SLC30A10: variants seen among roughly 807,000 people sequenced by gnomAD.
The protein encoded by SLC30A10 is calcium/manganese antiporter SLC30A10.
Under a neutral mutation model 21.7 loss-of-function variants are expected in SLC30A10, and 8 were observed. The ratio of observed to expected loss-of-function variants is 0.37; its 90% confidence interval spans 0.22 to 0.67. The LOEUF (loss-of-function observed/expected upper bound fraction) is 0.67, where lower values mean the gene tolerates loss of function less well. SLC30A10 is among the 30% of genes least tolerant of loss of function. The pLI, the probability that SLC30A10 is intolerant of heterozygous loss-of-function variation, is 0.58. For missense variants in SLC30A10, 521 were observed against 642.5 expected, an observed-to-expected ratio of 0.81 and a Z score of 2.04; for synonymous variants, 272 against 279.4, an observed-to-expected ratio of 0.97 and a Z score of 0.26.
chr1:219,928,647 G>A, upstream of SLC30A10: 1 of 507,618 alleles, frequency 2.0e-6, no homozygotes, highest in Non-Finnish European at 3.4e-6. The surrounding 1 kb of genome is among the most constrained non-coding windows in gnomAD (Gnocchi z 6.3). Flanking sequence ...AGTGGCGGGG[G>A]CAGTATCTGA....
rs1416717954 is a variant in SLC30A10, at chr1:219,911,129, T to C, written c.*4320A>G. Among the ~76,000 whole-genome samples, 3 of 148,984 alleles carry C rather than the reference T, an allele frequency of 2.0e-5. No individual in the cohort carries two copies. Among genetic ancestry groups the C allele is most frequent in the Non-Finnish European group, 4.5e-5 (3 of 67,352 alleles). On this transcript the variant is annotated 3_prime_UTR_variant, in exon 4 of 4. Transcript: ENST00000366926. ...CTCAAAATTCAAATCAGGTCATGTT[T>C]CTTCATTTTTTCTACATCAGTTTTT...
rs778271993 is a variant in SLC30A10 at position 219,928,090 on chromosome 1, G to A, written c.351C>T (p.Leu117=). ...CCAACAGCCCCAGGACGCCGACGAT[G>A]AGCACCAGCTCGGGGTCATCGATGC... ...PERIDDPELV[L]IVGVLGLLVN... The change falls in exon 1 of 4, where the codon CTC becomes CTT. Residue 117 remains leucine, a synonymous_variant. Coordinates refer to ENST00000366926, the MANE Select transcript of SLC30A10 (RefSeq NM_018713.3). This position sits in a 1 kb window ranked among gnomAD's most constrained non-coding sequence, Gnocchi z 6.3. The A allele has an allele frequency of 5.0e-6, 8 of 1,585,426 alleles. No individual in the cohort carries two copies. In the East Asian group the frequency reaches 1.6e-4, roughly 33 times the overall value.
At chr1:219,944,463 C>CAAAAA (rs1215938444) in intron 1 of SLC30A10, among the ~76,000 whole-genome samples, 1 of 151,834 alleles carries the variant, frequency 6.6e-6, no homozygotes, top group Non-Finnish European at 1.5e-5. Flanking sequence ...CAAAACAAAA[C>CAAAAA]AAAACAAAAC....
intron 1 of SLC30A10, among the ~76,000 whole-genome samples, chr1:219,943,281 C>A (rs1233441592): frequency 6.6e-6 from 1 of 152,176 alleles, no homozygotes; most frequent in Non-Finnish European, 1.5e-5. Context: ...AAATTAAAAA[C>A]TCAATAGAAG....
rs1659477268 is a variant in SLC30A10 at position 219,914,165 on chromosome 1, C to G, written c.*1284G>C. The G allele has an allele frequency of 6.6e-6, 1 of 152,180 alleles. No homozygotes were observed. 9.4% of individuals were successfully genotyped at this position (152,180 alleles called of 1,614,324 possible). A position where few individuals can be genotyped will look rare whatever the true frequency, so the allele number is the denominator to read the frequency against. ...AGATGATACTAGTTGTCTAGTGAGG[C>G]ACTTCCCATTTTCTCATACCTGTGA... is the stretch of plus-strand genomic sequence containing the variant. On this transcript the variant is annotated 3_prime_UTR_variant, in exon 4 of 4. Transcript: ENST00000366926.
intron 1 of SLC30A10, among the ~76,000 whole-genome samples, chr1:219,948,069 T>C (rs1660214709): frequency 6.6e-6 from 1 of 151,896 alleles, no homozygotes; most frequent in Non-Finnish European, 1.5e-5. Context: ...GTGAAGGATC[T>C]CTTCAAGGAG....
intron 2 of SLC30A10, 100 bp downstream of exon 2, chr1:219,926,928 C>T: frequency 3.2e-6 from 3 of 928,474 alleles, no homozygotes; most frequent in Non-Finnish European, 5.1e-6. Context: ...GGCCTACTTT[C>T]AAACACACCT....
chr1:219,917,384 T>C (rs1301183720), intron 3 of SLC30A10, among the ~76,000 whole-genome samples: 1 of 152,160 alleles, frequency 6.6e-6, no homozygotes, highest in Non-Finnish European at 1.5e-5. Context: ...GTTTATCTTA[T>C]TTCCTCAATT....
intron 1 of SLC30A10, among the ~76,000 whole-genome samples, chr1:219,951,345 T>A (rs1055130623): frequency 6.6e-5 from 10 of 152,044 alleles, no homozygotes; most frequent in African/African-American, 2.2e-4. Flanking sequence ...TCAGAACCAG[T>A]GGATGAGGGA....
At chr1:219,921,915 G>T (rs1175416688) in intron 2 of SLC30A10, among the ~76,000 whole-genome samples, 1 of 65,794 alleles carries the variant, frequency 1.5e-5, no homozygotes, top group Non-Finnish European at 2.8e-5. Flanking sequence ...GAAAGAGAGA[G>T]AGAGACAGAG....
Position 219,928,222 on chromosome 1 carries a change from G to A in SLC30A10, c.219C>T (p.Gly73=), listed in dbSNP as rs773175910. The change falls in exon 1 of 4, where the codon GGC becomes GGT. Residue 73 remains glycine, a synonymous_variant. Coordinates refer to ENST00000366926, the MANE Select transcript of SLC30A10 (RefSeq NM_018713.3). The surrounding 1 kb of genome is among the most constrained non-coding windows in gnomAD (Gnocchi z 6.3). ...CGCCCACCACCTCGGCGCGGGCGTA[G>A]CCGTAGGTGGCGCTGAAGCCCCGGG... ...RPTRGFSATY[G]YARAEVVGAL... is the part of the protein sequence containing the mutation. 6 of 1,565,328 alleles carry A rather than the reference G, an allele frequency of 3.8e-6. No homozygotes were observed. The African/African-American group carries it at 8.1e-5, about 21-fold the overall frequency.
At chr1:219,925,976 T>A (rs932526291) in intron 2 of SLC30A10, among the ~76,000 whole-genome samples, 2 of 152,062 alleles carry the variant, frequency 1.3e-5, no homozygotes, top group African/African-American at 4.8e-5. Context: ...TATATATTTT[T>A]AAACTGGACC....
At chr1:219,928,642 C>A (rs1301205491), upstream of SLC30A10, 3 of 512,080 alleles carry the variant, frequency 5.9e-6, no homozygotes, top group African/African-American at 4.1e-5. The surrounding 1 kb of genome is among the most constrained non-coding windows in gnomAD (Gnocchi z 6.3). Context: ...AAAGGAGTGG[C>A]GGGGGCAGTA....
intron 1 of SLC30A10, among the ~76,000 whole-genome samples, chr1:219,937,017 C>CT (rs2102540837): frequency 6.6e-6 from 1 of 152,020 alleles, no homozygotes; most frequent in East Asian, 1.9e-4. Context: ...TTCATCTAGT[C>CT]TTTTTTTAAA....
intron 1 of SLC30A10, among the ~76,000 whole-genome samples, chr1:219,937,315 A>G (rs1453435482): frequency 2.6e-5 from 4 of 152,178 alleles, no homozygotes; most frequent in Non-Finnish European, 4.4e-5. Context: ...GAATGTATGT[A>G]TGAATTATTC....
rs1659389174 is a variant in SLC30A10 at position 219,910,633 on chromosome 1, G to A, written c.*4816C>T. ...GCAAAATTGCCTGTGAGGACAGGAG[G>A]AGAATTTTAAGCAACAAAACTCCAC... On this transcript the variant is annotated 3_prime_UTR_variant, in exon 4 of 4. Coordinates refer to ENST00000366926, the MANE Select transcript of SLC30A10 (RefSeq NM_018713.3). Among the ~76,000 whole-genome samples the A allele has an allele frequency of 6.6e-6, 1 of 152,142 alleles. No individual in the cohort carries two copies. The highest frequency in any genetic ancestry group is 6.5e-5 in the Admixed American group (1 of 15,268).
chr1:219,929,241 C>T (rs761986458), upstream of SLC30A10, among the ~76,000 whole-genome samples: 51 of 152,200 alleles, frequency 3.4e-4, no homozygotes, highest in Admixed American at 3.3e-4. Flanking sequence ...TCAGGATCTT[C>T]GCTGTCAAGG....
chr1:219,919,221 G>T (rs76794346), intron 2 of SLC30A10, among the ~76,000 whole-genome samples: 4,833 of 152,248 alleles, frequency 0.032, 233 homozygotes, highest in African/African-American at 0.11. Flanking sequence ...GTGCCCAATT[G>T]TTAGCCAAAG....
At chr1:219,930,864 G>A (rs1322103042), upstream of SLC30A10, among the ~76,000 whole-genome samples, 1 of 152,112 alleles carries the variant, frequency 6.6e-6, no homozygotes, top group Non-Finnish European at 1.5e-5. Context: ...AATAGTGCCT[G>A]GTACACAGTA....
Sources: allele counts gnomAD v4.1 joint callset (sites outside exome capture counted in the v4.1 genomes callset), GRCh38; gene constraint gnomAD v4.1.1; non-coding constraint Gnocchi (gnomAD v3.1); transcripts MANE v1.5; gene names NCBI Gene and HGNC (gene_info 2026-07-23, HGNC 2026-07-21).